Variants in CAPN13 observed in about 807,000 individuals in gnomAD.
CAPN13 encodes calpain-13.
In CAPN13, 90 loss-of-function variants were observed where a neutral mutation model predicts 98.4. The ratio of observed to expected loss-of-function variants is 0.92; its 90% CI spans 0.77 to 1.09. CAPN13 has a LOEUF of 1.09. Among genes scored for constraint, CAPN13 ranks in the 50% least tolerant of loss-of-function variants. CAPN13 has a pLI of 0.00. For missense variants in CAPN13, 887 were observed against 841.3 expected (o/e 1.05, Z -0.67); for synonymous variants, 330 against 305.5 (o/e 1.08, Z -0.84).
chr2:30,767,877 C>T (rs7578646), intron 5 of CAPN13, among the ~76,000 whole-genome samples: 14,153 of 152,094 alleles, frequency 0.093, 1,984 homozygotes, highest in African/African-American at 0.31. Flanking sequence ...GCAGAATGGA[C>T]GGGAAAGATA....
chr2:30,796,202 A>ATATATATATACACATATATATG lies in CAPN13; in HGVS notation c.-32-8867_-32-8846dup, dbSNP rs1558347491. Among the ~76,000 whole-genome samples the ATATATATATACACATATATATG allele has an allele frequency of 2.2e-4, 24 of 110,612 alleles. No homozygotes were observed. In the East Asian group the frequency reaches 5.8e-3, roughly 27 times the overall value. The allele number at this position is 110,612 out of a possible 152,430, so 72.6% of individuals were successfully genotyped here. The stretch of plus-strand genomic sequence containing the variant: ...TATATATACATATATATGTGTGTGT[A>ATATATATATACACATATATATG]TATATATATACACATATATATGTAT... On this transcript the variant is annotated intron_variant, in intron 1 of 22. Transcript: ENST00000295055.
At chr2:30,802,168 G>A (rs1325584662) in intron 1 of CAPN13, among the ~76,000 whole-genome samples, 4 of 152,100 alleles carry the variant, frequency 2.6e-5, no homozygotes, top group Admixed American at 6.5e-5. Flanking sequence ...CTGGTTGGGG[G>A]GTGGCGGGGG....
At chr2:30,729,758 A>G (rs1670994120) in intron 22 of CAPN13, 1 of 152,236 alleles carries the variant, frequency 6.6e-6, no homozygotes, top group Non-Finnish European at 1.5e-5. Context: ...TTCAAGGTAC[A>G]TGAATGGGAG....
At position 30,734,022 on chromosome 2, in the gene CAPN13, C is replaced by G. The variant is rs868770414; in HGVS notation, c.1798+427G>C. 3.3e-5 allele frequency among the ~76,000 whole-genome samples: 5 copies of G among 152,314 alleles called. No individual in the cohort carries two copies. In the South Asian group the frequency reaches 1.0e-3, roughly 32 times the overall value. ...AAAGCCTTTGCCTACTTGAAGCAGA[C>G]AGATGCCATTTGATTTAATTTAGCC... On this transcript the variant is annotated intron_variant, in intron 19 of 22. Coordinates refer to ENST00000295055, the MANE Select transcript of CAPN13 (RefSeq NM_144575.3).
chr2:30,798,799 C>T (rs1305373834), intron 1 of CAPN13, among the ~76,000 whole-genome samples: 1 of 152,130 alleles, frequency 6.6e-6, no homozygotes. Context: ...CAACAGTGTT[C>T]CAGCAAAACC....
At chr2:30,784,185 AAAG>A (rs1234564738) in intron 2 of CAPN13, among the ~76,000 whole-genome samples, 1 of 146,228 alleles carries the variant, frequency 6.8e-6, no homozygotes, top group Non-Finnish European at 1.5e-5. Context: ...ATCTCAAAAA[AAAG>A]AAAAAAAAAA....
intron 11 of CAPN13, among the ~76,000 whole-genome samples, chr2:30,747,616 G>A (rs545820334): frequency 2.0e-5 from 3 of 152,204 alleles, no homozygotes; most frequent in Non-Finnish European, 4.4e-5. Flanking sequence ...GCAGAGCAGT[G>A]CTCCCACAGC....
chr2:30,738,286 T>A lies in CAPN13; in HGVS notation c.1602A>T (p.Pro534=). 2 of 1,613,868 alleles carry A rather than the reference T, an allele frequency of 1.2e-6. No individual in the cohort carries two copies. The highest frequency in any genetic ancestry group is 8.5e-7 in the Non-Finnish European group (1 of 1,179,856). The stretch of plus-strand genomic sequence containing the variant: ...ACTCATCTAAGGAGAACATGTCCCC[T>A]GGAGGTCCTGAGGAGAGAAGGACAG... The part of the protein sequence containing the change: ...LLNQELLTGP[P]GDMFSLDECR... The change falls in exon 17 of 23, where the codon CCA becomes CCT. Residue 534 remains proline (P), a synonymous_variant. Coordinates refer to ENST00000295055, the MANE Select transcript of CAPN13 (RefSeq NM_144575.3).
chr2:30,772,178 G>A (rs1673443681), intron 4 of CAPN13, among the ~76,000 whole-genome samples: 1 of 152,308 alleles, frequency 6.6e-6, no homozygotes, highest in East Asian at 1.9e-4. Flanking sequence ...TCAAGAATGA[G>A]GCCACCACCT....
intron 22 of CAPN13, among the ~76,000 whole-genome samples, chr2:30,725,354 G>A: frequency 6.6e-6 from 1 of 152,222 alleles, no homozygotes; most frequent in East Asian, 1.9e-4. Context: ...AGGAAGAGGA[G>A]TTCATCCCAG....
At chr2:30,753,340 A>G (rs933521617) in intron 9 of CAPN13, 142 bp from the exon 10 acceptor site, 1 of 834,674 alleles carries the variant, frequency 1.2e-6, no homozygotes, top group African/African-American at 1.7e-5. Flanking sequence ...GCACCCTTCT[A>G]TCTTTTCAGT....
intron 1 of CAPN13, among the ~76,000 whole-genome samples, chr2:30,793,727 G>C (rs1489038748): frequency 6.6e-6 from 1 of 151,840 alleles, no homozygotes; most frequent in Non-Finnish European, 1.5e-5. Context: ...CAAAAATATA[G>C]ACAAATAGAT....
At position 30,764,204 on chromosome 2, in the gene CAPN13, AG is replaced by A; in HGVS notation, c.626del (p.Pro209LeufsTer5). The A allele has an allele frequency of 6.2e-7, 1 of 1,610,606 alleles. No individual in the cohort carries two copies. The highest frequency in any genetic ancestry group is 8.5e-7 in the Non-Finnish European group (1 of 1,178,496). The part of the protein sequence containing the change: ...VITNIHLHSS[P>X]VDLVKAVKTA... ...TCTTCACTGCCTTCACCAGGTCCACAGGGGAAGAGTGCAGATGGATGTTGGT... is the reference window on the plus strand; with the variant it reads ...TCTTCACTGCCTTCACCAGGTCCACAGGGAAGAGTGCAGATGGATGTTGGT... On this transcript the variant is annotated frameshift_variant, in exon 6 of 23. Transcript: ENST00000295055. LOFTEE classifies it high-confidence loss of function.
intron 11 of CAPN13, among the ~76,000 whole-genome samples, chr2:30,745,983 C>A (rs1343858760): frequency 7.1e-6 from 1 of 140,768 alleles, no homozygotes; most frequent in Non-Finnish European, 1.5e-5. Flanking sequence ...TTACTGCAAC[C>A]TCCGCCTCCT....
chr2:30,786,352 A>G (rs1478876201), intron 2 of CAPN13, among the ~76,000 whole-genome samples: 1 of 152,200 alleles, frequency 6.6e-6, no homozygotes, highest in African/African-American at 2.4e-5. Flanking sequence ...AAGGGTCCTT[A>G]GGGTGGTCCT....
chr2:30,761,041 A>G (rs1182697910), intron 7 of CAPN13, among the ~76,000 whole-genome samples: 1 of 152,248 alleles, frequency 6.6e-6, no homozygotes, highest in Non-Finnish European at 1.5e-5. Flanking sequence ...TAATGGTACA[A>G]TAAAAACCAG....
chr2:30,783,953 G>T (rs1558336980), intron 2 of CAPN13, among the ~76,000 whole-genome samples: 1 of 152,086 alleles, frequency 6.6e-6, no homozygotes, highest in Non-Finnish European at 1.5e-5. Context: ...GGCTGAGGTG[G>T]GTGGATCACT....
Position 30,731,405 on chromosome 2 carries a change from A to G in CAPN13, c.1928-6T>C. 6.2e-7 allele frequency: 1 copy of G among 1,606,816 alleles called. No homozygotes were observed. The highest frequency in any genetic ancestry group is 8.5e-7 in the Non-Finnish European group (1 of 1,176,522). On this transcript the variant is annotated splice_region_variant and splice_polypyrimidine_tract_variant and intron_variant, in intron 20 of 22. Transcript: ENST00000295055. ...AGAGAGGTTGCGGAAGGTCTCTAGG[A>G]TAAAGAAGGGAAGGTTTTGACTGAC...
At chr2:30,749,663 A>C (rs1005022496) in intron 11 of CAPN13, among the ~76,000 whole-genome samples, 1 of 152,230 alleles carries the variant, frequency 6.6e-6, no homozygotes, top group Non-Finnish European at 1.5e-5. Context: ...GACCTCTGGA[A>C]GCCAGTCTCA....
Sources: allele counts gnomAD v4.1 joint callset (sites outside exome capture counted in the v4.1 genomes callset), GRCh38; gene constraint gnomAD v4.1.1; transcripts MANE v1.5; gene names NCBI Gene and HGNC (gene_info 2026-07-23, HGNC 2026-07-21).